Variants in LRP4 observed in about 807,000 individuals in gnomAD.
LRP4 encodes low-density lipoprotein receptor-related protein 4.
A neutral mutation model predicts 220.3 loss-of-function variants in LRP4; 95 were observed. That is an observed-to-expected ratio of 0.43 (90% CI 0.37 to 0.51). The LOEUF (loss-of-function observed/expected upper bound fraction) is 0.51. Among genes scored for constraint, LRP4 ranks in the 20% least tolerant of loss-of-function variants. LRP4 has a pLI of 0.00. For synonymous variants in LRP4, 903 were observed against 954.6 expected (o/e 0.95, Z 1.00); for missense variants, 1,925 against 2,567.0 (o/e 0.75, Z 5.40).
At chr11:46,888,563 A>AAAAAAAAAAAAAAAAAAAAAAC (rs1941350724) in intron 16 of LRP4, among the ~76,000 whole-genome samples, 1 of 145,220 alleles carries the variant, frequency 6.9e-6, no homozygotes, top group Non-Finnish European at 1.5e-5. Flanking sequence ...AAAAAAAAAA[A>AAAAAAAAAAAAAAAAAAAAAAC]AAAAAAAAAA....
intron 18 of LRP4, among the ~76,000 whole-genome samples, chr11:46,885,256 C>T (rs1163781915): frequency 1.3e-5 from 2 of 152,168 alleles, no homozygotes; most frequent in African/African-American, 4.8e-5. Context: ...CCTGGTCCCC[C>T]AAAGCGCTAG....
intron 18 of LRP4, among the ~76,000 whole-genome samples, chr11:46,884,479 G>A (rs1207431574): frequency 6.6e-6 from 1 of 151,998 alleles, no homozygotes; most frequent in Non-Finnish European, 1.5e-5. Context: ...GCTCACACCT[G>A]TAATCCCAGC....
intron 31 of LRP4, 144 bp from the exon 32 acceptor site, chr11:46,869,276 C>A: frequency 1.3e-6 from 1 of 798,826 alleles, no homozygotes; most frequent in Non-Finnish European, 2.1e-6. Context: ...CATCAACAGA[C>A]ATGACATTGT....
At chr11:46,869,180 A>T (rs1940793912) in intron 31 of LRP4, 48 bp from the exon 32 acceptor site, 2 of 1,581,426 alleles carry the variant, frequency 1.3e-6, no homozygotes, top group Non-Finnish European at 8.6e-7. Context: ...TTCAGCAAGC[A>T]GACTCCTTCC....
intron 3 of LRP4, 86 bp downstream of exon 3, chr11:46,900,176 T>C: frequency 1.8e-6 from 2 of 1,091,262 alleles, no homozygotes; most frequent in South Asian, 2.5e-5. Flanking sequence ...CAAGGGCTCA[T>C]GTGGACCTGG....
intron 12 of LRP4, among the ~76,000 whole-genome samples, chr11:46,893,344 A>G (rs1941461315): frequency 6.6e-6 from 1 of 152,206 alleles, no homozygotes; most frequent in South Asian, 2.1e-4. Context: ...AGAGTTAAGT[A>G]ACTGTCCAAG....
At chr11:46,912,139 C>T (rs1165061030) in intron 1 of LRP4, among the ~76,000 whole-genome samples, 1 of 152,190 alleles carries the variant, frequency 6.6e-6, no homozygotes, top group South Asian at 2.1e-4. Flanking sequence ...CAGGCGTTAG[C>T]CATCGCACCT....
chr11:46,889,293 G>T, intron 16 of LRP4, 118 bp downstream of exon 16: 2 of 1,364,360 alleles, frequency 1.5e-6, no homozygotes, highest in Non-Finnish European at 2.1e-6. Context: ...CCTCTCCAGG[G>T]CTCCCTGAGG....
At position 46,899,319 on chromosome 11, in the gene LRP4, C is replaced by T. The variant is rs546500230; in HGVS notation, c.547+68G>A. The T allele has an allele frequency of 7.0e-6, 9 of 1,290,062 alleles. No homozygotes were observed. In the South Asian group the frequency reaches 9.5e-5, roughly 14 times the overall value. The allele number at this position is 1,290,062 out of a possible 1,614,324, so 79.9% of individuals were successfully genotyped here. On this transcript the variant is annotated intron_variant, in intron 5 of 37. Coordinates refer to ENST00000378623, the MANE Select transcript of LRP4 (RefSeq NM_002334.4). The surrounding 1 kb of genome is among the most constrained non-coding windows in gnomAD (Gnocchi z 5.9). Reference sequence around the variant, plus strand: ...TTGGTACATGCACTCCTCAGCCTCGCCCTTAGCCAATGGGCAGAACTGTCT... The same window carrying T: ...TTGGTACATGCACTCCTCAGCCTCGTCCTTAGCCAATGGGCAGAACTGTCT...
In LRP4 at chr11:46,889,540, A is replaced by G. The variant is rs765978126; in HGVS notation, c.2093-7T>C. On this transcript the variant is annotated splice_polypyrimidine_tract_variant and splice_region_variant and intron_variant, in intron 15 of 37. Transcript: ENST00000378623. ...TCCCCACAGCGGTTTTTCCCTGCTC[A>G]AAGAGCCCAGGGCAAGAGGATCAGC... 3 of 1,613,478 alleles carry G rather than the reference A, an allele frequency of 1.9e-6. No individual in the cohort carries two copies. In the South Asian group the frequency reaches 3.3e-5, roughly 18 times the overall value.
At chr11:46,905,018 G>A (rs1389022702) in intron 1 of LRP4, among the ~76,000 whole-genome samples, 1 of 151,008 alleles carries the variant, frequency 6.6e-6, no homozygotes, top group Non-Finnish European at 1.5e-5. Context: ...AGGATTTCCT[G>A]CGGAAGCCAA....
At position 46,876,523 on chromosome 11, in the gene LRP4, A is replaced by G; in HGVS notation, c.3479T>C (p.Val1160Ala). The G allele has an allele frequency of 1.2e-6, 2 of 1,613,774 alleles. No homozygotes were observed. Among genetic ancestry groups the G allele is most frequent in the Non-Finnish European group, 1.7e-6 (2 of 1,179,952 alleles). Residue 1160 changes from valine (V) to alanine (A), a missense_variant, in exon 25 of 38, where the codon GTG becomes GCG. Around this residue, in one of 3 missense-constraint regions of LRP4, gnomAD observed 1,244 missense variants for 1,624.9 expected, o/e 0.77. Transcript: ENST00000378623. Reference sequence around the variant, plus strand: ...ACTGTCAAGGTTCTGCCACACCAACACTTTCCGCATGGACCCGTCCAGGTT... The same window carrying G: ...ACTGTCAAGGTTCTGCCACACCAACGCTTTCCGCATGGACCCGTCCAGGTT... ...VGNLDGSMRKVLVWQNLDSPR... is the reference protein window; with the variant it reads ...VGNLDGSMRKALVWQNLDSPR...
rs1435675303 is a variant in LRP4, at chr11:46,879,333, CTG to C, written c.2815-20_2815-19del. On this transcript the variant is annotated intron_variant, in intron 20 of 37. Transcript: ENST00000378623. ...ATCAGCACCTGCCAGGGCCCCAACA[CTG>C]TGTCATCTTCAACAAAGTCTGACAG... 3 of 1,613,442 alleles carry C rather than the reference CTG, an allele frequency of 1.9e-6. No homozygotes were observed. Among genetic ancestry groups the C allele is most frequent in the East Asian group, 2.2e-5 (1 of 44,892 alleles).
At chr11:46,914,413 T>C (rs948214013) in intron 1 of LRP4, among the ~76,000 whole-genome samples, 15 of 152,352 alleles carry the variant, frequency 9.8e-5, no homozygotes, top group South Asian at 2.1e-4. Flanking sequence ...GTTTGAGGAA[T>C]GCTCCCGATT....
chr11:46,872,964 C>T, intron 30 of LRP4, 136 bp downstream of exon 30: 1 of 1,253,072 alleles, frequency 8.0e-7, no homozygotes, highest in Non-Finnish European at 1.2e-6. Context: ...GAATATATTC[C>T]CTTATCCTTC....
At chr11:46,888,563 A>AAAAAAAAAAAAAAAAAAAAAAAAAAC (rs1941350724) in intron 16 of LRP4, among the ~76,000 whole-genome samples, 1 of 145,220 alleles carries the variant, frequency 6.9e-6, no homozygotes, top group Non-Finnish European at 1.5e-5. Context: ...AAAAAAAAAA[A>AAAAAAAAAAAAAAAAAAAAAAAAAAC]AAAAAAAAAA....
In LRP4 at chr11:46,899,581, C is replaced by T; in HGVS notation, c.431-78G>A. ...CTCACCCTCCTCTCTGACTCCCAAC[C>T]TCACTGGCTTTGGCGGGTCTGACCT... On this transcript the variant is annotated intron_variant, in intron 4 of 37. Transcript: ENST00000378623. The surrounding 1 kb of genome is among the most constrained non-coding windows in gnomAD (Gnocchi z 5.9). 1 of 1,057,058 alleles carries T rather than the reference C, an allele frequency of 9.5e-7. No homozygotes were observed. The highest frequency in any genetic ancestry group is 2.4e-4 in the Middle Eastern group (1 of 4,126). 65.5% of individuals were successfully genotyped at this position (1,057,058 alleles called of 1,614,324 possible). A position where few individuals can be genotyped will look rare whatever the true frequency, so the allele number is the denominator to read the frequency against.
At chr11:46,884,031 C>T (rs2134821947) in intron 18 of LRP4, 55 bp from the exon 19 acceptor site, 6 of 1,392,572 alleles carry the variant, frequency 4.3e-6, no homozygotes, top group East Asian at 4.6e-5. Context: ...ACCCTCTTAC[C>T]TTCCATGGCC....
rs2134853332 is a variant in LRP4 at position 46,895,971 on chromosome 11, C to A, written c.1096G>T (p.Ala366Ser). ...ENCNVNNGGC[A>S]QKCQMVRGAV... is the part of the protein sequence containing the mutation. ...CCCCGCACCATCTGGCACTTCTGGG[C>A]ACAGCCACCGTTGTTAACATTGCAG... Residue 366 changes from alanine (A) to serine (S), a missense_variant, in exon 10 of 38, where the codon GCC becomes TCC. This residue lies in a region of LRP4 where 269 missense variants were observed against 436.7 expected (regional missense o/e 0.62). Coordinates refer to ENST00000378623, the MANE Select transcript of LRP4 (RefSeq NM_002334.4). The A allele has an allele frequency of 6.2e-7, 1 of 1,614,118 alleles. No individual in the cohort carries two copies. Among genetic ancestry groups the A allele is most frequent in the South Asian group, 1.1e-5 (1 of 91,080 alleles).
Sources: gnomAD v4.1 joint callset for allele counts (sites outside exome capture counted in the v4.1 genomes callset) on GRCh38, gnomAD v4.1.1 for gene constraint, gnomAD v4.1.1 regional missense constraint, Gnocchi (gnomAD v3.1) non-coding constraint, MANE v1.5 for transcripts, NCBI Gene and HGNC (gene_info 2026-07-23, HGNC 2026-07-21) for gene names.